TMEM108: variants seen among roughly 807,000 people sequenced by gnomAD.
The protein encoded by TMEM108 is transmembrane protein 108, also known as cancer/testis antigen 124.
A neutral mutation model predicts 35.1 loss-of-function variants in TMEM108; 12 were observed. The ratio of observed to expected loss-of-function variants is 0.34; its 90% CI spans 0.22 to 0.55. TMEM108 has a LOEUF of 0.55. TMEM108 is among the 20% of genes least tolerant of loss of function. TMEM108 has a pLI of 0.89. For synonymous variants in TMEM108, 287 were observed against 308.6 expected, an observed-to-expected ratio of 0.93 and a Z score of 0.73; for missense variants, 680 against 753.3, an observed-to-expected ratio of 0.90 and a Z score of 1.14.
At chr3:133,089,000 A>G (rs756059920) in intron 2 of TMEM108, among the ~76,000 whole-genome samples, 15 of 152,214 alleles carry the variant, frequency 9.9e-5, no homozygotes, top group Non-Finnish European at 1.9e-4. Context: ...GGAAGCTTCC[A>G]ATCATGGCAG....
intron 2 of TMEM108, among the ~76,000 whole-genome samples, chr3:133,198,202 G>C (rs1237820382): frequency 1.3e-5 from 2 of 152,134 alleles, no homozygotes; most frequent in Non-Finnish European, 2.9e-5. Flanking sequence ...ATCACCTCTA[G>C]TTAAACCCAC....
At chr3:133,277,499 T>C (rs1946854798) in intron 3 of TMEM108, among the ~76,000 whole-genome samples, 1 of 152,200 alleles carries the variant, frequency 6.6e-6, no homozygotes, top group Non-Finnish European at 1.5e-5. Context: ...TCCAAAGGGA[T>C]AGCCATGGGA....
chr3:133,068,647 T>C (rs1191100774), intron 2 of TMEM108, among the ~76,000 whole-genome samples: 1 of 152,124 alleles, frequency 6.6e-6, no homozygotes, highest in Non-Finnish European at 1.5e-5. Context: ...TATGTGAAGA[T>C]TGGATTGAGG....
At chr3:133,197,821 G>A (rs1945601925) in intron 2 of TMEM108, among the ~76,000 whole-genome samples, 1 of 152,164 alleles carries the variant, frequency 6.6e-6, no homozygotes, top group South Asian at 2.1e-4. Flanking sequence ...TCAGACATGA[G>A]AGTCATAAGG....
chr3:133,107,462 G>C (rs1944167219), intron 2 of TMEM108, among the ~76,000 whole-genome samples: 2 of 109,636 alleles, frequency 1.8e-5, no homozygotes, highest in South Asian at 5.5e-4. Context: ...TGTGGTGTGT[G>C]TGTGTGTGTG....
At chr3:133,319,198 G>A (rs1410680436) in intron 3 of TMEM108, among the ~76,000 whole-genome samples, 2 of 152,134 alleles carry the variant, frequency 1.3e-5, no homozygotes, top group Non-Finnish European at 2.9e-5. Context: ...TGCCCAAGAA[G>A]AGTCTGAGCT....
intron 3 of TMEM108, among the ~76,000 whole-genome samples, chr3:133,344,372 T>C (rs1289215481): frequency 6.6e-6 from 1 of 151,748 alleles, no homozygotes; most frequent in Non-Finnish European, 1.5e-5. Context: ...TCAAAACTTA[T>C]GGTTGAAAAG....
At chr3:133,107,629 A>G (rs1944170242) in intron 2 of TMEM108, among the ~76,000 whole-genome samples, 1 of 152,130 alleles carries the variant, frequency 6.6e-6, no homozygotes, top group Admixed American at 6.6e-5. Context: ...AATTGCCAGC[A>G]AGATCTTGAT....
intron 1 of TMEM108, among the ~76,000 whole-genome samples, chr3:133,039,754 G>A (rs922793304): frequency 1.3e-5 from 2 of 152,068 alleles, no homozygotes; most frequent in African/African-American, 4.8e-5. Flanking sequence ...ACTCTTTCTG[G>A]TATGAGATGG....
intron 2 of TMEM108, among the ~76,000 whole-genome samples, chr3:133,056,320 T>G (rs1943465730): frequency 6.6e-6 from 1 of 152,228 alleles, no homozygotes; most frequent in Admixed American, 6.5e-5. Context: ...TTCTTTTCAG[T>G]GACCGCTTGG....
rs139180681 is a variant in TMEM108 at position 133,297,768 on chromosome 3, G to A, written c.40+68417G>A. 1.1e-4 allele frequency among the ~76,000 whole-genome samples: 16 copies of A among 152,260 alleles called. No individual in the cohort carries two copies. The East Asian group carries it at 1.3e-3, about 13-fold the overall frequency. Reference sequence around the variant, plus strand: ...TGGGGACCACATGAACACAGAGGGCGCACACTGCTGTATTCATGTTGCTTT... The same window carrying A: ...TGGGGACCACATGAACACAGAGGGCACACACTGCTGTATTCATGTTGCTTT... On this transcript the variant is annotated intron_variant, in intron 3 of 5. Transcript: ENST00000321871.
At chr3:133,371,635 A>AAAAAAAAAAAAAAAAAAAAC in intron 3 of TMEM108, among the ~76,000 whole-genome samples, 1 of 150,968 alleles carries the variant, frequency 6.6e-6, no homozygotes, top group African/African-American at 2.4e-5. Context: ...AAAAAAAAAA[A>AAAAAAAAAAAAAAAAAAAAC]AAAACCCACC....
intron 3 of TMEM108, among the ~76,000 whole-genome samples, chr3:133,332,543 T>C (rs2071409068): frequency 6.6e-6 from 1 of 152,140 alleles, no homozygotes. Flanking sequence ...GACCCTGGCT[T>C]TTAGGCAGGT....
At chr3:133,197,967 C>T (rs144040810) in intron 2 of TMEM108, among the ~76,000 whole-genome samples, 175 of 152,290 alleles carry the variant, frequency 1.1e-3, no homozygotes, top group Non-Finnish European at 2.0e-3. Flanking sequence ...AATGGCTTCT[C>T]CTTCTCTTTC....
chr3:133,113,644 TG>T (rs1460221365), intron 2 of TMEM108, among the ~76,000 whole-genome samples: 2 of 152,162 alleles, frequency 1.3e-5, no homozygotes, highest in Non-Finnish European at 2.9e-5. Context: ...AAAATGGCCT[TG>T]TCAAGATGAC....
chr3:133,306,796 T>C (rs928525989), intron 3 of TMEM108, among the ~76,000 whole-genome samples: 3 of 152,196 alleles, frequency 2.0e-5, no homozygotes, highest in Non-Finnish European at 2.9e-5. Context: ...GTTCCAAGTC[T>C]TTGATATTGT....
At chr3:133,088,546 T>C (rs894281152) in intron 2 of TMEM108, among the ~76,000 whole-genome samples, 2 of 152,182 alleles carry the variant, frequency 1.3e-5, no homozygotes, top group Non-Finnish European at 2.9e-5. Flanking sequence ...TGTATTCTGC[T>C]CCTAAACTAA....
chr3:133,340,551 C>T (rs548774565), intron 3 of TMEM108, among the ~76,000 whole-genome samples: 2 of 151,664 alleles, frequency 1.3e-5, no homozygotes, highest in South Asian at 2.1e-4. Flanking sequence ...AGAATACTTC[C>T]GAACTCATTC....
At chr3:133,067,330 T>C (rs1430789110) in intron 2 of TMEM108, among the ~76,000 whole-genome samples, 2 of 152,202 alleles carry the variant, frequency 1.3e-5, no homozygotes, top group Admixed American at 1.3e-4. Flanking sequence ...CTGGTAGGTA[T>C]TTGATGCATT....
Sources: gnomAD v4.1 joint callset for allele counts (sites outside exome capture counted in the v4.1 genomes callset) on GRCh38, gnomAD v4.1.1 for gene constraint, MANE v1.5 for transcripts, NCBI Gene and HGNC (gene_info 2026-07-23, HGNC 2026-07-21) for gene names.